The following SUB1 variants were observed in gnomAD, a reference collection of about 807,000 sequenced individuals.
SUB1 encodes SUB1 regulator of transcription.
Under a neutral mutation model 16.9 loss-of-function variants are expected in SUB1, and 1 was observed. The observed-to-expected ratio is 0.06, with a 90% CI of 0.02 to 0.28. SUB1 has a LOEUF of 0.28. Among genes scored for constraint, SUB1 ranks in the 10% least tolerant of loss-of-function variants. The pLI, the probability that SUB1 is intolerant of heterozygous loss-of-function variation, is 1.00. For missense variants in SUB1, 84 were observed against 145.2 expected, an observed-to-expected ratio of 0.58 and a Z score of 2.16; for synonymous variants, 51 against 46.9, an observed-to-expected ratio of 1.09 and a Z score of -0.36.
At chr5:32,592,754 A>G (rs556323326) in intron 3 of SUB1, among the ~76,000 whole-genome samples, 196 of 152,232 alleles carry the variant, frequency 1.3e-3, no homozygotes, top group African/African-American at 4.4e-3. Context: ...TGAAGGGCTT[A>G]GTTGGGAAAT....
intron 3 of SUB1, chr5:32,596,335 T>C (rs1738963466): frequency 6.6e-6 from 1 of 152,220 alleles, no homozygotes; most frequent in African/African-American, 2.4e-5. Flanking sequence ...ATATTTTCTT[T>C]AGGTTTCTGG....
At chr5:32,598,042 T>C (rs1293956716) in intron 3 of SUB1, 1 of 149,882 alleles carries the variant, frequency 6.7e-6, no homozygotes, top group Admixed American at 6.7e-5. Flanking sequence ...GTGGTACATA[T>C]CAAGCAATTC....
intron 1 of SUB1, among the ~76,000 whole-genome samples, chr5:32,586,921 G>C (rs1008347292): frequency 3.3e-5 from 5 of 152,060 alleles, no homozygotes; most frequent in African/African-American, 1.2e-4. Context: ...CTTTTTCCTT[G>C]ACCTCCTATT....
intron 4 of SUB1, among the ~76,000 whole-genome samples, chr5:32,599,906 G>A (rs1029738263): frequency 3.3e-5 from 5 of 151,774 alleles, no homozygotes; most frequent in African/African-American, 7.3e-5. Flanking sequence ...GTTTATATGC[G>A]TCGGTATTGG....
At chr5:32,595,963 A>G (rs1306375643) in intron 3 of SUB1, 1 of 102,300 alleles carries the variant, frequency 9.8e-6, no homozygotes, top group African/African-American at 3.4e-5. Context: ...TTTTGTGAAG[A>G]GTATCTTTTG....
At chr5:32,598,744 G>A (rs1048543651) in intron 3 of SUB1, 8 of 372,894 alleles carry the variant, frequency 2.1e-5, no homozygotes, top group Non-Finnish European at 3.3e-5. Context: ...TTTTCAAATT[G>A]TCAAGTCTGC....
At position 32,601,210 on chromosome 5, in the gene SUB1, A is replaced by T; in HGVS notation, c.*126A>T. On this transcript the variant is annotated 3_prime_UTR_variant, in exon 5 of 5. Transcript: ENST00000265073. ...TTTGGATTGCAGAAGAATTTGTAAG[A>T]TGAATACTTTTTTTTAATGTGCATT... 1 of 726,636 alleles carries T rather than the reference A, an allele frequency of 1.4e-6. No individual in the cohort carries two copies. Among genetic ancestry groups the T allele is most frequent in the South Asian group, 1.8e-5 (1 of 54,408 alleles). 45.0% of individuals were successfully genotyped at this position (726,636 alleles called of 1,614,324 possible). A position where few individuals can be genotyped will look rare whatever the true frequency, so the allele number is the denominator to read the frequency against.
intron 3 of SUB1, chr5:32,597,827 A>T (rs1287725288): frequency 6.6e-6 from 1 of 152,234 alleles, no homozygotes; most frequent in African/African-American, 2.4e-5. Context: ...TATGTATTAT[A>T]TACTGTATTC....
At chr5:32,592,129 T>C (rs1579512652) in intron 3 of SUB1, among the ~76,000 whole-genome samples, 1 of 152,232 alleles carries the variant, frequency 6.6e-6, no homozygotes. Flanking sequence ...TTTATTAAAA[T>C]AGAACAAACT....
rs190200776 is a variant in SUB1 at position 32,594,908 on chromosome 5, G to T, written c.195+3223G>T. 3.5e-4 allele frequency: 54 copies of T among 156,348 alleles called. No individual in the cohort carries two copies. In the East Asian group the frequency reaches 9.7e-3, roughly 28 times the overall value. 9.7% of individuals were successfully genotyped at this position (156,348 alleles called of 1,614,324 possible). The stretch of plus-strand genomic sequence containing the variant: ...ACTGCTTTATCAGATCTTCAGAGGG[G>T]ACAGGGAATCAAATTCGTATAAGAA... On this transcript the variant is annotated intron_variant, in intron 3 of 4. Coordinates refer to ENST00000265073, the MANE Select transcript of SUB1 (RefSeq NM_006713.4).
chr5:32,591,485 TAAA>T (rs754765141), intron 2 of SUB1, 75 bp from the exon 3 acceptor site: 45 of 1,465,382 alleles, frequency 3.1e-5, no homozygotes, highest in African/African-American at 2.9e-5. Context: ...GTTTAAATCT[TAAA>T]AAGTAATGGG....
intron 1 of SUB1, among the ~76,000 whole-genome samples, chr5:32,587,549 T>C (rs180980776): frequency 6.6e-6 from 1 of 152,316 alleles, no homozygotes; most frequent in Admixed American, 6.5e-5. Flanking sequence ...TCTTCAAATT[T>C]TAATTATGTT....
chr5:32,585,580 G>C lies in SUB1; in HGVS notation c.-47G>C, dbSNP rs934426674. The C allele has an allele frequency of 6.6e-6, 1 of 152,262 alleles. No homozygotes were observed. The highest frequency in any genetic ancestry group is 1.5e-5 in the Non-Finnish European group (1 of 68,076). The allele number at this position is 152,262 out of a possible 1,614,324, so 9.4% of individuals were successfully genotyped here. On this transcript the variant is annotated 5_prime_UTR_variant, in exon 1 of 5. Coordinates refer to ENST00000265073, the MANE Select transcript of SUB1 (RefSeq NM_006713.4). ...TCACTTCCGGTTCTCTGTCAGTCGC[G>C]AGCGAACGACCAAGAGGGTGTTCGA...
In SUB1 at chr5:32,587,613, AT is replaced by A. The variant is rs550698846; in HGVS notation, c.-1-884del. 2.8e-3 allele frequency among the ~76,000 whole-genome samples: 406 copies of A among 143,460 alleles called. 1 individual carries two copies. The highest frequency in any genetic ancestry group is 2.8e-3 in the Non-Finnish European group (179 of 65,086). 94.1% of individuals were successfully genotyped at this position (143,460 alleles called of 152,430 possible). ...AATGAATTGCTGTGAATTGTGTAAGATTTTTTTTTTTTTTTGAGATGGAGTC... is the reference window on the plus strand; with the variant it reads ...AATGAATTGCTGTGAATTGTGTAAGATTTTTTTTTTTTTTGAGATGGAGTC... On this transcript the variant is annotated intron_variant, in intron 1 of 4. Coordinates refer to ENST00000265073, the MANE Select transcript of SUB1 (RefSeq NM_006713.4).
chr5:32,600,892 A>T (rs1363951462), intron 4 of SUB1, 113 bp from the exon 5 acceptor site: 1 of 912,042 alleles, frequency 1.1e-6, no homozygotes, highest in Non-Finnish European at 1.7e-6. Context: ...GGTGTGAGCC[A>T]CCGCGCCCAG....
At chr5:32,589,939 A>G (rs982699500) in intron 2 of SUB1, among the ~76,000 whole-genome samples, 1 of 152,178 alleles carries the variant, frequency 6.6e-6, no homozygotes, top group Non-Finnish European at 1.5e-5. Context: ...GCAACCTTAA[A>G]GTATAAATAT....
intron 1 of SUB1, among the ~76,000 whole-genome samples, chr5:32,587,124 G>T (rs1293554471): frequency 3.3e-5 from 5 of 152,108 alleles, no homozygotes; most frequent in African/African-American, 1.2e-4. Flanking sequence ...TTATTGGAAC[G>T]CTAAGCATGT....
At chr5:32,597,226 C>G (rs539926453) in intron 3 of SUB1, 2 of 152,208 alleles carry the variant, frequency 1.3e-5, no homozygotes, top group African/African-American at 4.8e-5. Flanking sequence ...ACCTCTGTGG[C>G]CATTAAACAA....
At position 32,602,810 on chromosome 5, in the gene SUB1, A is replaced by G. The variant is rs1406437926; in HGVS notation, c.*1726A>G. On this transcript the variant is annotated 3_prime_UTR_variant, in exon 5 of 5. Coordinates refer to ENST00000265073, the MANE Select transcript of SUB1 (RefSeq NM_006713.4). Reference sequence around the variant, plus strand: ...CTTGAACCAGAGTAGGTTCAGAGAAACTCCCAAAGTTTGTACTTTAGACAC... The same window carrying G: ...CTTGAACCAGAGTAGGTTCAGAGAAGCTCCCAAAGTTTGTACTTTAGACAC... The G allele has an allele frequency of 6.6e-6, 1 of 152,080 alleles. No individual in the cohort carries two copies. Among genetic ancestry groups the G allele is most frequent in the African/African-American group, 2.4e-5 (1 of 41,366 alleles). The allele number at this position is 152,080 out of a possible 1,614,324, so 9.4% of individuals were successfully genotyped here. A position where few individuals can be genotyped will look rare whatever the true frequency, so the allele number is the denominator to read the frequency against.
Sources: gnomAD v4.1 joint callset for allele counts (sites outside exome capture counted in the v4.1 genomes callset) on GRCh38, gnomAD v4.1.1 for gene constraint, MANE v1.5 for transcripts, NCBI Gene and HGNC (gene_info 2026-07-23, HGNC 2026-07-21) for gene names.